Variants in PTPRG observed in about 807,000 individuals in gnomAD.
The protein encoded by PTPRG is receptor-type tyrosine-protein phosphatase gamma.
In PTPRG, 102 loss-of-function variants were observed where a neutral mutation model predicts 165.3. That is an observed-to-expected ratio of 0.62 (90% CI 0.53 to 0.73). The LOEUF (loss-of-function observed/expected upper bound fraction) is 0.73, where lower values mean the gene tolerates loss of function less well. Ranked by LOEUF, PTPRG falls within the 30% of genes least tolerant of loss-of-function variation. The pLI, the probability that PTPRG is intolerant of heterozygous loss-of-function variation, is 0.00. For synonymous variants in PTPRG, 675 were observed against 669.5 expected, an observed-to-expected ratio of 1.01 and a Z score of -0.13; for missense variants, 1,866 against 1,861.4, an observed-to-expected ratio of 1.00 and a Z score of -0.05.
chr3:61,907,941 G>A (rs1160549273), intron 2 of PTPRG, among the ~76,000 whole-genome samples: 1 of 133,460 alleles, frequency 7.5e-6, no homozygotes, highest in Non-Finnish European at 1.6e-5. Context: ...GCAACATAGC[G>A]AGACCCCCGT....
chr3:61,647,485 C>G (rs1327421457), intron 1 of PTPRG, among the ~76,000 whole-genome samples: 1 of 152,120 alleles, frequency 6.6e-6, no homozygotes, highest in Non-Finnish European at 1.5e-5. Flanking sequence ...TCAGGTTCAT[C>G]CAGCTCATTA....
At chr3:61,963,972 T>C (rs1169420764) in intron 2 of PTPRG, among the ~76,000 whole-genome samples, 2 of 152,198 alleles carry the variant, frequency 1.3e-5, no homozygotes, top group East Asian at 1.9e-4. Flanking sequence ...ACAGGTGATA[T>C]GTTTAAGTGG....
At chr3:62,174,274 A>G (rs1340307259) in intron 8 of PTPRG, among the ~76,000 whole-genome samples, 2 of 152,244 alleles carry the variant, frequency 1.3e-5, no homozygotes, top group African/African-American at 4.8e-5. Flanking sequence ...AAACCTGTTC[A>G]AACCGCAGTG....
At chr3:61,929,057 G>GATGAGAGCCCCAATGAGA (rs2039296112) in intron 2 of PTPRG, among the ~76,000 whole-genome samples, 3 of 152,086 alleles carry the variant, frequency 2.0e-5, no homozygotes, top group Admixed American at 6.6e-5. Flanking sequence ...AGGAGTCTTT[G>GATGAGAGCCCCAATGAGA]GCCCCAAATG....
chr3:61,642,975 G>T (rs989830823), intron 1 of PTPRG, among the ~76,000 whole-genome samples: 2 of 152,144 alleles, frequency 1.3e-5, no homozygotes, highest in African/African-American at 4.8e-5. Context: ...CAGCTGATCT[G>T]TTCAAGTAAC....
rs532356516 is a variant in PTPRG at position 61,866,582 on chromosome 3, C to CTTTTTTTTTTTTT, written c.190+117624_190+117636dup. Among the ~76,000 whole-genome samples, 15 of 69,104 alleles carry CTTTTTTTTTTTTT rather than the reference C, an allele frequency of 2.2e-4. 4 individuals are homozygous for CTTTTTTTTTTTTT. The highest frequency in any genetic ancestry group is 5.6e-4 in the East Asian group (1 of 1,772). The allele number at this position is 69,104 out of a possible 152,430, so 45.3% of individuals were successfully genotyped here. A position where few individuals can be genotyped will look rare whatever the true frequency, so the allele number is the denominator to read the frequency against. ...TTCCCTGGCTTTGGAACTGTTTGCTCTTTTTTTTTTTTTTTTTTTTTTTTT... is the reference window on the plus strand; with the variant it reads ...TTCCCTGGCTTTGGAACTGTTTGCTCTTTTTTTTTTTTTTTTTTTTTTTTTTTTTTTTTTTTTT... On this transcript the variant is annotated intron_variant, in intron 2 of 29. Transcript: ENST00000474889.
chr3:61,903,130 C>T (rs1342870010), intron 2 of PTPRG, among the ~76,000 whole-genome samples: 1 of 152,150 alleles, frequency 6.6e-6, no homozygotes, highest in African/African-American at 2.4e-5. Context: ...ATGCTCTCTC[C>T]CCTCTCCCTT....
At chr3:62,278,206 C>T (rs558589105) in intron 26 of PTPRG, among the ~76,000 whole-genome samples, 19 of 152,072 alleles carry the variant, frequency 1.2e-4, no homozygotes, top group Non-Finnish European at 2.5e-4. Flanking sequence ...TCATCTGTCT[C>T]CAGAGACCAT....
chr3:61,721,790 T>C (rs1194187248), intron 1 of PTPRG, among the ~76,000 whole-genome samples: 1 of 151,928 alleles, frequency 6.6e-6, no homozygotes, highest in East Asian at 1.9e-4. Flanking sequence ...CTCAGAACAA[T>C]GAGAAAATAA....
At chr3:61,867,983 G>C (rs963766565) in intron 2 of PTPRG, among the ~76,000 whole-genome samples, 1 of 152,146 alleles carries the variant, frequency 6.6e-6, no homozygotes, top group African/African-American at 2.4e-5. Context: ...GAAGGTGGTG[G>C]TGTTCCTTAT....
chr3:61,672,797 GA>G (rs1339066519), intron 1 of PTPRG, among the ~76,000 whole-genome samples: 4 of 148,344 alleles, frequency 2.7e-5, no homozygotes, highest in African/African-American at 7.6e-5. Context: ...GAGAGGGAGA[GA>G]GGGGGAGAGA....
intron 6 of PTPRG, among the ~76,000 whole-genome samples, chr3:62,150,023 C>T (rs995089044): frequency 1.3e-5 from 2 of 152,220 alleles, no homozygotes; most frequent in Admixed American, 1.3e-4. Flanking sequence ...AGCCATGTAG[C>T]TCAGTTCCTC....
chr3:62,081,016 G>A (rs542618402), intron 5 of PTPRG, among the ~76,000 whole-genome samples: 1 of 152,114 alleles, frequency 6.6e-6, no homozygotes, highest in African/African-American at 2.4e-5. Context: ...CCAGCACTTT[G>A]GAAGGCCGAG....
At chr3:62,092,439 GAAAAAAAAA>G (rs55955359) in intron 5 of PTPRG, among the ~76,000 whole-genome samples, 1 of 89,436 alleles carries the variant, frequency 1.1e-5, no homozygotes, top group Non-Finnish European at 2.1e-5. Context: ...GAGTCCATCT[GAAAAAAAAA>G]AAAAAAAAAA....
At chr3:61,772,707 A>G (rs565339513) in intron 2 of PTPRG, among the ~76,000 whole-genome samples, 1 of 152,104 alleles carries the variant, frequency 6.6e-6, no homozygotes, top group African/African-American at 2.4e-5. Context: ...TAGATAGACC[A>G]TATGTTATTC....
intron 1 of PTPRG, among the ~76,000 whole-genome samples, chr3:61,714,886 A>G (rs2031736981): frequency 6.6e-6 from 1 of 152,224 alleles, no homozygotes; most frequent in African/African-American, 2.4e-5. Context: ...CATTACTGGT[A>G]CCTGAGTCTA....
intron 2 of PTPRG, among the ~76,000 whole-genome samples, chr3:61,931,112 G>T (rs2039350872): frequency 6.6e-6 from 1 of 152,042 alleles, no homozygotes; most frequent in Non-Finnish European, 1.5e-5. Flanking sequence ...CATGTGCTGT[G>T]GTTCCTGCAG....
At chr3:61,608,622 C>T (rs1169404545) in intron 1 of PTPRG, among the ~76,000 whole-genome samples, 1 of 152,228 alleles carries the variant, frequency 6.6e-6, no homozygotes, top group African/African-American at 2.4e-5. Context: ...CTTCTTTGAG[C>T]TGCTCAATCA....
chr3:61,913,275 A>C (rs529386509), intron 2 of PTPRG, among the ~76,000 whole-genome samples: 1 of 152,264 alleles, frequency 6.6e-6, no homozygotes, highest in South Asian at 2.1e-4. Context: ...GCTGGAGTGC[A>C]GTGGCGCGAT....
Sources: allele counts gnomAD v4.1 joint callset (sites outside exome capture counted in the v4.1 genomes callset), GRCh38; gene constraint gnomAD v4.1.1; transcripts MANE v1.5; gene names NCBI Gene and HGNC (gene_info 2026-07-23, HGNC 2026-07-21).